Variants in COL27A1 observed in about 807,000 individuals in gnomAD.
COL27A1 encodes the protein collagen alpha-1(XXVII) chain.
A neutral mutation model predicts 251.3 loss-of-function variants in COL27A1; 106 were observed. The ratio of observed to expected loss-of-function variants is 0.42; its 90% CI spans 0.36 to 0.50. The LOEUF is 0.50. COL27A1 is among the 20% of genes least tolerant of loss of function. COL27A1 has a pLI of 0.00. For missense variants in COL27A1, 2,325 were observed against 2,522.8 expected, an observed-to-expected ratio of 0.92 and a Z score of 1.68; for synonymous variants, 1,000 against 986.3, an observed-to-expected ratio of 1.01 and a Z score of -0.26.
intron 16 of COL27A1, among the ~76,000 whole-genome samples, chr9:114,232,112 G>A (rs1832010043): frequency 6.6e-6 from 1 of 152,176 alleles, no homozygotes; most frequent in African/African-American, 2.4e-5. Context: ...AGCAAGGAGG[G>A]CAGGTATGTC....
At chr9:114,231,572 C>G (rs1009701525) in intron 15 of COL27A1, among the ~76,000 whole-genome samples, 1 of 152,228 alleles carries the variant, frequency 6.6e-6, no homozygotes, top group African/African-American at 2.4e-5. Flanking sequence ...TCATTAAGCC[C>G]TTCCCTCCCC....
chr9:114,285,527 C>T (rs1470367287), intron 41 of COL27A1, among the ~76,000 whole-genome samples: 1 of 152,184 alleles, frequency 6.6e-6, no homozygotes, highest in Non-Finnish European at 1.5e-5. Context: ...TGGAACGCTT[C>T]GCTTGCCCCC....
intron 43 of COL27A1, 76 bp from the exon 44 acceptor site, chr9:114,288,838 A>C: frequency 6.2e-7 from 1 of 1,605,698 alleles, no homozygotes; most frequent in Admixed American, 1.7e-5. Flanking sequence ...AAGAACAAGA[A>C]CTTCCCAGGC....
At chr9:114,174,823 C>G (rs1827279089) in intron 3 of COL27A1, among the ~76,000 whole-genome samples, 1 of 152,186 alleles carries the variant, frequency 6.6e-6, no homozygotes, top group Non-Finnish European at 1.5e-5. Context: ...CTAGGGAAGT[C>G]TGGGTGCCCT....
At chr9:114,254,502 A>G (rs1239042896) in intron 27 of COL27A1, among the ~76,000 whole-genome samples, 4 of 151,288 alleles carry the variant, frequency 2.6e-5, no homozygotes, top group Non-Finnish European at 4.4e-5. Context: ...CAGGGCTGGG[A>G]GCCCAGTCCG....
At position 114,288,484 on chromosome 9, in the gene COL27A1, G is replaced by A. The variant is rs751302521; in HGVS notation, c.4017G>A (p.Glu1339=). The A allele has an allele frequency of 2.3e-5, 37 of 1,608,914 alleles. No homozygotes were observed. The South Asian group carries it at 4.0e-4, about 18-fold the overall frequency. Residue 1339 remains glutamate, a synonymous_variant, in exon 42 of 61, where the codon GAG becomes GAA. Transcript: ENST00000356083. ...KGEQGEDGKA[E]GPPGPPGDRG... Reference sequence around the variant, plus strand: ...AGCAGGGCGAGGACGGCAAGGCTGAGGGGCCCCCTGGGCCACCTGGAGATC... The same window carrying A: ...AGCAGGGCGAGGACGGCAAGGCTGAAGGGCCCCCTGGGCCACCTGGAGATC...
chr9:114,209,540 C>T (rs761987405), intron 10 of COL27A1, 135 bp from the exon 11 acceptor site: 35 of 831,656 alleles, frequency 4.2e-5, no homozygotes, highest in East Asian at 1.7e-4. Flanking sequence ...GAGGAGCCAC[C>T]GGAGCTGCCA....
intron 12 of COL27A1, among the ~76,000 whole-genome samples, chr9:114,211,427 C>A (rs1291468537): frequency 6.6e-6 from 1 of 152,358 alleles, no homozygotes; most frequent in South Asian, 2.1e-4. Flanking sequence ...TGGTGTCATC[C>A]GGCTCTGTCC....
intron 13 of COL27A1, among the ~76,000 whole-genome samples, chr9:114,220,733 T>A (rs895701753): frequency 6.6e-6 from 1 of 151,946 alleles, no homozygotes; most frequent in African/African-American, 2.4e-5. Flanking sequence ...GTGGCTCACG[T>A]CTGTAATCCC....
intron 58 of COL27A1, 56 bp downstream of exon 58, chr9:114,306,744 G>T: frequency 1.3e-6 from 2 of 1,581,328 alleles, no homozygotes; most frequent in Non-Finnish European, 1.7e-6. Flanking sequence ...GCTGGGGCAG[G>T]TGGAGTATTT....
intron 27 of COL27A1, among the ~76,000 whole-genome samples, chr9:114,254,127 G>T (rs372858118): frequency 1.3e-5 from 2 of 152,106 alleles, no homozygotes; most frequent in African/African-American, 4.8e-5. Flanking sequence ...GTATGGGGGG[G>T]CAGGGTAGAT....
chr9:114,184,971 C>G (rs1828226012), intron 5 of COL27A1, among the ~76,000 whole-genome samples: 1 of 152,162 alleles, frequency 6.6e-6, no homozygotes, highest in Admixed American at 6.5e-5. Context: ...CTCCTCCCAC[C>G]CCCAGACTCA....
chr9:114,237,863 C>T (rs1832502710), intron 19 of COL27A1, 148 bp downstream of exon 19: 1 of 667,640 alleles, frequency 1.5e-6, no homozygotes, highest in Admixed American at 2.4e-5. Flanking sequence ...CCTAGATCAG[C>T]AATCATTTAT....
chr9:114,175,478 G>A (rs1827356231), intron 3 of COL27A1, among the ~76,000 whole-genome samples: 1 of 152,236 alleles, frequency 6.6e-6, no homozygotes, highest in South Asian at 2.1e-4. Flanking sequence ...GTAGGGGAGG[G>A]TCCAGCCCGT....
intron 4 of COL27A1, 43 bp from the exon 5 acceptor site, chr9:114,182,979 T>C: frequency 1.9e-6 from 3 of 1,587,234 alleles, no homozygotes; most frequent in African/African-American, 1.3e-5. Context: ...ATGGCCCCTG[T>C]TTTTTGTCAC....
rs1455689548 is a variant in COL27A1, at chr9:114,275,748, C to G, written c.3697C>G (p.Pro1233Ala). The G allele has an allele frequency of 1.9e-6, 3 of 1,548,348 alleles. No individual in the cohort carries two copies. Among genetic ancestry groups the G allele is most frequent in the South Asian group, 1.2e-5 (1 of 83,934 alleles). Residue 1233 changes from proline to alanine, a missense_variant, in exon 37 of 61, where the codon CCT becomes GCT. This residue lies in a region of COL27A1 where 662 missense variants were observed against 795.3 expected (regional missense o/e 0.83). Transcript: ENST00000356083. ...LMGEDGPPGP[P>A]GVTGVRGPEG... ...GGGTGAGGACGGGCCCCCCGGCCCC[C>G]CTGGCGTCACTGGTGTCCGGGTGAG...
At chr9:114,252,746 ACCAGCT>A in intron 26 of COL27A1, 100 bp downstream of exon 26, 1 of 1,416,018 alleles carries the variant, frequency 7.1e-7, no homozygotes, top group Non-Finnish European at 1.0e-6. Context: ...GTTCAGAATG[ACCAGCT>A]CCCTCTTTGT....
At position 114,267,485 on chromosome 9, in the gene COL27A1, C is replaced by T; in HGVS notation, c.3448-19C>T. 6.3e-7 allele frequency: 1 copy of T among 1,598,970 alleles called. No individual in the cohort carries two copies. Among genetic ancestry groups the T allele is most frequent in the East Asian group, 2.3e-5 (1 of 43,736 alleles). ...GGGCAGCTCTTGCTCTAGGAGGGAC[C>T]AATGGCGTTTTCTTTCAGGGGCCGC... On this transcript the variant is annotated intron_variant, in intron 33 of 60. Transcript: ENST00000356083.
chr9:114,156,080 T>A, intron 1 of COL27A1, 68 bp downstream of exon 1: 1 of 1,288,460 alleles, frequency 7.8e-7, no homozygotes, highest in Non-Finnish European at 9.9e-7. Context: ...AGGGCCGGGG[T>A]TCCCCGCCAT....
Sources: allele counts gnomAD v4.1 joint callset (sites outside exome capture counted in the v4.1 genomes callset), GRCh38; gene constraint gnomAD v4.1.1; regional missense constraint gnomAD v4.1.1; transcripts MANE v1.5; gene names NCBI Gene and HGNC (gene_info 2026-07-23, HGNC 2026-07-21).